Variants in VPS13B observed in about 807,000 individuals in gnomAD.
The protein encoded by VPS13B is vacuolar protein sorting 13 homolog B, also known as intermembrane lipid transfer protein VPS13B.
A neutral mutation model predicts 426.4 loss-of-function variants in VPS13B; 285 were observed. The ratio of observed to expected loss-of-function variants is 0.67; its 90% confidence interval spans 0.61 to 0.74. VPS13B has a LOEUF of 0.74. Among genes scored for constraint, VPS13B ranks in the 30% least tolerant of loss-of-function variants. The probability of loss-of-function intolerance (pLI) is 0.00; values close to 1 mark genes in which losing one functional copy is unlikely to be tolerated. For synonymous variants in VPS13B, 1,676 were observed against 1,676.4 expected (o/e 1.00, Z 0.01); for missense variants, 4,537 against 4,782.6 (o/e 0.95, Z 1.51).
rs181172385 is a variant in VPS13B at position 99,519,454 on chromosome 8, A to G, written c.4634-1445A>G. ...TGACCCAGCCGTCCCATTACTGGGGATGTACCCAAAGGATTATAAATTATG... is the reference window on the plus strand; with the variant it reads ...TGACCCAGCCGTCCCATTACTGGGGGTGTACCCAAAGGATTATAAATTATG... On this transcript the variant is annotated intron_variant, in intron 29 of 61. Coordinates refer to ENST00000357162, the MANE Select transcript of VPS13B (RefSeq NM_152564.5). Among the ~76,000 whole-genome samples, 751 of 152,276 alleles carry G rather than the reference A, an allele frequency of 4.9e-3. 6 individuals carry two copies. The highest frequency in any genetic ancestry group is 0.017 in the African/African-American group (710 of 41,542).
intron 3 of VPS13B, among the ~76,000 whole-genome samples, chr8:99,042,204 G>A (rs1364606958): frequency 1.3e-5 from 2 of 151,760 alleles, no homozygotes; most frequent in African/African-American, 4.8e-5. Flanking sequence ...CTTCTAATAG[G>A]AGAAATACTT....
At chr8:99,090,147 G>T (rs1846060161) in intron 3 of VPS13B, among the ~76,000 whole-genome samples, 1 of 151,844 alleles carries the variant, frequency 6.6e-6, no homozygotes, top group African/African-American at 2.4e-5. Context: ...GGGGGCTAAG[G>T]ATTTTATTTT....
intron 35 of VPS13B, among the ~76,000 whole-genome samples, chr8:99,664,550 G>C (rs1438359354): frequency 6.6e-6 from 1 of 151,818 alleles, no homozygotes; most frequent in African/African-American, 2.4e-5. Context: ...TCCCACCTGT[G>C]AGTGAGAACA....
intron 35 of VPS13B, among the ~76,000 whole-genome samples, chr8:99,676,900 TG>T (rs1300932916): frequency 6.6e-6 from 1 of 152,034 alleles, no homozygotes; most frequent in Non-Finnish European, 1.5e-5. Context: ...GAGGCTGCCG[TG>T]GGTGGATCAC....
intron 3 of VPS13B, among the ~76,000 whole-genome samples, chr8:99,056,770 C>G (rs1843898330): frequency 6.6e-6 from 1 of 152,110 alleles, no homozygotes. Flanking sequence ...GTTTAATGCT[C>G]TATCTTTGTG....
intron 17 of VPS13B, among the ~76,000 whole-genome samples, chr8:99,248,428 A>C (rs1165933809): frequency 6.6e-6 from 1 of 152,180 alleles, no homozygotes; most frequent in Non-Finnish European, 1.5e-5. Flanking sequence ...GCTTTTCTCC[A>C]AGAATGACTG....
At chr8:99,633,963 A>G (rs1429853658) in intron 33 of VPS13B, among the ~76,000 whole-genome samples, 5 of 152,004 alleles carry the variant, frequency 3.3e-5, no homozygotes, top group Non-Finnish European at 7.4e-5. Flanking sequence ...TTCACTATAT[A>G]TGTGAGCAAC....
At chr8:99,686,627 T>C (rs1179096593) in intron 35 of VPS13B, among the ~76,000 whole-genome samples, 1 of 151,958 alleles carries the variant, frequency 6.6e-6, no homozygotes, top group African/African-American at 2.4e-5. Flanking sequence ...TCTCTCCCCA[T>C]GGCCACCACC....
chr8:99,397,884 C>T (rs573248768), intron 21 of VPS13B, among the ~76,000 whole-genome samples: 2 of 152,256 alleles, frequency 1.3e-5, no homozygotes, highest in East Asian at 1.9e-4. Flanking sequence ...TGTCTAACTG[C>T]ATAAGAGGTC....
At chr8:99,667,934 C>A (rs1262457131) in intron 35 of VPS13B, among the ~76,000 whole-genome samples, 1 of 152,068 alleles carries the variant, frequency 6.6e-6, no homozygotes, top group African/African-American at 2.4e-5. Flanking sequence ...AAACAAATTT[C>A]AGCTTTATAA....
chr8:99,692,868 C>A (rs932808937), intron 35 of VPS13B, among the ~76,000 whole-genome samples: 1 of 146,168 alleles, frequency 6.8e-6, no homozygotes, highest in Non-Finnish European at 1.5e-5. Flanking sequence ...GGGATATCAC[C>A]ACCGATCCCA....
intron 2 of VPS13B, among the ~76,000 whole-genome samples, chr8:99,027,269 A>G (rs1047898318): frequency 6.6e-6 from 1 of 151,322 alleles, no homozygotes; most frequent in Non-Finnish European, 1.5e-5. Flanking sequence ...TTTACATTCA[A>G]GGTTATTATT....
intron 17 of VPS13B, chr8:99,233,216 C>T (rs1300101030): frequency 7.6e-6 from 10 of 1,316,136 alleles, no homozygotes; most frequent in Admixed American, 1.7e-5. Context: ...TCACGAGGCA[C>T]AATGATTTCT....
chr8:99,436,823 C>T (rs1390586174), intron 22 of VPS13B, among the ~76,000 whole-genome samples: 2 of 151,784 alleles, frequency 1.3e-5, no homozygotes, highest in Non-Finnish European at 2.9e-5. Flanking sequence ...ACTGCAAGCT[C>T]CGCCTCCCAG....
chr8:99,076,612 C>T (rs796945670), intron 3 of VPS13B, among the ~76,000 whole-genome samples: 11 of 139,710 alleles, frequency 7.9e-5, no homozygotes, highest in African/African-American at 1.3e-4. Context: ...ATGACTTTGT[C>T]TTTTTTTTTT....
At chr8:99,238,368 T>C (rs116553145) in intron 17 of VPS13B, among the ~76,000 whole-genome samples, 92 of 152,238 alleles carry the variant, frequency 6.0e-4, no homozygotes, top group African/African-American at 2.1e-3. Context: ...TAGGAAACAA[T>C]TAAATGTTTA....
chr8:99,779,704 C>T (rs1292826307), intron 42 of VPS13B, among the ~76,000 whole-genome samples: 1 of 152,174 alleles, frequency 6.6e-6, no homozygotes, highest in Non-Finnish European at 1.5e-5. Context: ...TCCATGTCTG[C>T]TAGCACAAAA....
In VPS13B at chr8:99,173,814, T is replaced by G. The variant is rs553620516; in HGVS notation, c.2333+3651T>G. 2.3e-3 allele frequency among the ~76,000 whole-genome samples: 344 copies of G among 152,344 alleles called. 2 individuals carry two copies. The highest frequency in any genetic ancestry group is 8.0e-3 in the African/African-American group (332 of 41,576). On this transcript the variant is annotated intron_variant, in intron 16 of 61. Coordinates refer to ENST00000357162, the MANE Select transcript of VPS13B (RefSeq NM_152564.5). ...AACTGAGTTCCAGAGAGGTCAAATT[T>G]CTTGCCTAAGACCACACAGTTAATT... is the stretch of plus-strand genomic sequence containing the variant.
intron 7 of VPS13B, 56 bp from the exon 8 acceptor site, chr8:99,121,121 A>G (rs1268668649): frequency 9.1e-6 from 14 of 1,531,578 alleles, no homozygotes; most frequent in Non-Finnish European, 1.1e-5. Flanking sequence ...GTCTATTTCT[A>G]TTCTCTTAGT....
Sources: gnomAD v4.1 joint callset for allele counts (sites outside exome capture counted in the v4.1 genomes callset) on GRCh38, gnomAD v4.1.1 for gene constraint, MANE v1.5 for transcripts, NCBI Gene and HGNC (gene_info 2026-07-23, HGNC 2026-07-21) for gene names.